Variants in TECTA observed in about 807,000 individuals in gnomAD.
The protein encoded by TECTA is alpha-tectorin.
A neutral mutation model predicts 216.8 loss-of-function variants in TECTA; 128 were observed. The observed-to-expected ratio is 0.59, with a 90% CI of 0.51 to 0.68. The LOEUF (loss-of-function observed/expected upper bound fraction) is 0.68. Among genes scored for constraint, TECTA ranks in the 30% least tolerant of loss-of-function variants. The pLI, the probability that TECTA is intolerant of heterozygous loss-of-function variation, is 0.00. For missense variants in TECTA, 2,551 were observed against 2,786.2 expected, an observed-to-expected ratio of 0.92 and a Z score of 1.90; for synonymous variants, 1,089 against 1,117.1, an observed-to-expected ratio of 0.97 and a Z score of 0.50.
In TECTA at chr11:121,190,831, T is replaced by A; in HGVS notation, c.*25T>A. On this transcript the variant is annotated 3_prime_UTR_variant, in exon 24 of 24. Transcript: ENST00000392793. ...ATTAACTCAAGGTTGCTATATAAAG[T>A]ACTGTAATTTACTTACTTCAACACC... 2 of 1,527,814 alleles carry A rather than the reference T, an allele frequency of 1.3e-6. No homozygotes were observed. The highest frequency in any genetic ancestry group is 1.7e-4 in the Middle Eastern group (1 of 5,900). 94.6% of individuals were successfully genotyped at this position (1,527,814 alleles called of 1,614,324 possible). A position where few individuals can be genotyped will look rare whatever the true frequency, so the allele number is the denominator to read the frequency against.
Position 121,137,579 on chromosome 11 carries a change from A to T in TECTA, c.3100A>T (p.Ser1034Cys), listed in dbSNP as rs180756361. 1.9e-6 allele frequency: 3 copies of T among 1,613,852 alleles called. No homozygotes were observed. In the Admixed American group the frequency reaches 5.0e-5, roughly 27 times the overall value. The change falls in exon 11 of 24, where the codon AGT becomes TGT. Residue 1034 changes from serine to cysteine, a missense_variant. This residue lies in a region of TECTA where 2,375 missense variants were observed against 2,563.9 expected (regional missense o/e 0.93). Coordinates refer to ENST00000392793, the MANE Select transcript of TECTA (RefSeq NM_005422.4). ...ALLGSQCVTR[S>C]ECGCNFEGHQ... ...ACTGGGCAGCCAGTGTGTCACGCGG[A>T]GTGAGTGTGGCTGCAACTTTGAGGG...
intron 13 of TECTA, among the ~76,000 whole-genome samples, chr11:121,153,856 A>G (rs919282512): frequency 6.6e-6 from 1 of 152,236 alleles, no homozygotes; most frequent in African/African-American, 2.4e-5. Context: ...TATTTAGTTC[A>G]TGGTTCGACC....
chr11:121,146,248 G>A (rs1412872342), intron 12 of TECTA, 132 bp downstream of exon 12: 5 of 1,088,760 alleles, frequency 4.6e-6, no homozygotes, highest in Non-Finnish European at 6.7e-6. Context: ...TTGGAACTGA[G>A]TTTGTTATCT....
chr11:121,107,628 G>T (rs193121888), intron 3 of TECTA, among the ~76,000 whole-genome samples: 1 of 152,264 alleles, frequency 6.6e-6, no homozygotes, highest in Admixed American at 6.5e-5. Flanking sequence ...TCCAAGAATT[G>T]CAGTTCCCAT....
In TECTA at chr11:121,125,394, T is replaced by C; in HGVS notation, c.1296T>C (p.Asp432=). ...QSGISTAVET[D]FGLLVTFDGQ... is the part of the protein sequence containing the mutation. ...GCATATCTACTGCCGTGGAAACAGA[T>C]TTTGGGCTCTTAGTGACTTTTGATG... is the stretch of plus-strand genomic sequence containing the variant. The change falls in exon 8 of 24, where the codon GAT becomes GAC. Residue 432 remains aspartate, a synonymous_variant. Transcript: ENST00000392793. 1 of 1,614,196 alleles carries C rather than the reference T, an allele frequency of 6.2e-7. No homozygotes were observed. Among genetic ancestry groups the C allele is most frequent in the South Asian group, 1.1e-5 (1 of 91,080 alleles).
At chr11:121,150,046 C>T (rs1946875005) in intron 12 of TECTA, among the ~76,000 whole-genome samples, 1 of 152,122 alleles carries the variant, frequency 6.6e-6, no homozygotes, top group Admixed American at 6.5e-5. Context: ...AATACCTCTT[C>T]CCAAATGTTA....
At chr11:121,187,727 T>G in intron 20 of TECTA, 105 bp from the exon 21 acceptor site, 1 of 1,306,210 alleles carries the variant, frequency 7.7e-7, no homozygotes, top group Non-Finnish European at 1.1e-6. Context: ...ATTTCTGCCA[T>G]TTATGGTGGT....
At position 121,105,216 on chromosome 11, in the gene TECTA, G is replaced by A. The variant is rs7129669; in HGVS notation, c.65-615G>A. 2.5e-3 allele frequency among the ~76,000 whole-genome samples: 382 copies of A among 152,270 alleles called. 3 individuals carry two copies. Among genetic ancestry groups the A allele is most frequent in the African/African-American group, 6.7e-3 (280 of 41,552 alleles). Reference sequence around the variant, plus strand: ...CTCAAGGACCCAACCCTCTGACCCCGGAGGATCTCATGTCTGTCTTTTGTA... The same window carrying A: ...CTCAAGGACCCAACCCTCTGACCCCAGAGGATCTCATGTCTGTCTTTTGTA... On this transcript the variant is annotated intron_variant, in intron 2 of 23. Transcript: ENST00000392793. The surrounding 1 kb of genome is among the most constrained non-coding windows in gnomAD (Gnocchi z 5.3).
Position 121,113,504 on chromosome 11 carries a change from C to G in TECTA, c.625-49C>G, listed in dbSNP as rs753054818. 4.3e-6 allele frequency: 7 copies of G among 1,612,186 alleles called. No homozygotes were observed. In the Admixed American group the frequency reaches 1.2e-4, roughly 27 times the overall value. On this transcript the variant is annotated intron_variant, in intron 5 of 23. Coordinates refer to ENST00000392793, the MANE Select transcript of TECTA (RefSeq NM_005422.4). This position sits in a 1 kb window ranked among gnomAD's most constrained non-coding sequence, Gnocchi z 4.2. ...AATAAGGTAGTTGGGCCAGTTAACC[C>G]ATGGGGAATTTTTGTACTCAAAAAT...
intron 7 of TECTA, among the ~76,000 whole-genome samples, chr11:121,119,564 C>T (rs970840352): frequency 3.3e-5 from 5 of 152,160 alleles, no homozygotes; most frequent in African/African-American, 9.7e-5. Context: ...TTGTTGCAAC[C>T]GTGTATTTAT....
chr11:121,172,385 G>C (rs1231093316), intron 20 of TECTA, among the ~76,000 whole-genome samples: 1 of 151,474 alleles, frequency 6.6e-6, no homozygotes. Context: ...TCCCCTTCCT[G>C]TGTCCATGTG....
chr11:121,177,910 C>T (rs1035046288), intron 20 of TECTA, among the ~76,000 whole-genome samples: 7 of 152,208 alleles, frequency 4.6e-5, no homozygotes, highest in African/African-American at 1.2e-4. Context: ...GCCTTGCTGC[C>T]GCCTTGCAGT....
Position 121,157,843 on chromosome 11 carries a change from C to A in TECTA, c.4308C>A (p.Pro1436=), listed in dbSNP as rs761079088. 2 of 1,613,962 alleles carry A rather than the reference C, an allele frequency of 1.2e-6. No individual in the cohort carries two copies. The highest frequency in any genetic ancestry group is 1.7e-6 in the Non-Finnish European group (2 of 1,180,040). The change falls in exon 14 of 24, where the codon CCC becomes CCA. Residue 1436 remains proline, a splice_region_variant and synonymous_variant. Transcript: ENST00000392793. ...GCYSDGKYYE[P]KQLFWNSDCT... ...TGCAAACGGCGCCTCTCTTCCAGCC[C>A]AAGCAGCTATTTTGGAACAGCGACT...
Position 121,180,996 on chromosome 11 carries a change from T to C in TECTA, c.6000-6836T>C, listed in dbSNP as rs965168738. The stretch of plus-strand genomic sequence containing the variant: ...TCCTGGCTAACACAGTGAAACCCTG[T>C]CTCTACTAAAAATACAAAAAATTAG... On this transcript the variant is annotated intron_variant, in intron 20 of 23. Coordinates refer to ENST00000392793, the MANE Select transcript of TECTA (RefSeq NM_005422.4). Among the ~76,000 whole-genome samples, 11 of 152,062 alleles carry C rather than the reference T, an allele frequency of 7.2e-5. No homozygotes were observed. In the East Asian group the frequency reaches 1.9e-3, roughly 27 times the overall value.
At chr11:121,167,831 C>T (rs556069862) in intron 18 of TECTA, among the ~76,000 whole-genome samples, 8 of 152,328 alleles carry the variant, frequency 5.3e-5, no homozygotes, top group East Asian at 3.9e-4. Context: ...TCACCTTCCA[C>T]GGGTATTCAA....
rs144297506 is a variant in TECTA, at chr11:121,111,461, C to T, written c.487-1611C>T. Reference sequence around the variant, plus strand: ...TTATCCAGAAGAGTCTTGGAATGAACGTTGAAGAATTCTGTAGTGTGAGAA... The same window carrying T: ...TTATCCAGAAGAGTCTTGGAATGAATGTTGAAGAATTCTGTAGTGTGAGAA... On this transcript the variant is annotated intron_variant, in intron 4 of 23. Transcript: ENST00000392793. 4.3e-3 allele frequency among the ~76,000 whole-genome samples: 654 copies of T among 152,248 alleles called. 8 individuals carry two copies. The highest frequency in any genetic ancestry group is 0.015 in the African/African-American group (631 of 41,532).
intron 12 of TECTA, among the ~76,000 whole-genome samples, chr11:121,152,188 A>C (rs989801732): frequency 6.6e-6 from 1 of 152,184 alleles, no homozygotes; most frequent in Non-Finnish European, 1.5e-5. Flanking sequence ...GGCAGAACAT[A>C]ATTGACGTGA....
intron 7 of TECTA, among the ~76,000 whole-genome samples, chr11:121,123,061 C>T (rs1397637629): frequency 9.8e-5 from 15 of 152,332 alleles, no homozygotes; most frequent in Middle Eastern, 6.8e-3. Flanking sequence ...ATCATCTCAT[C>T]GCCTAGACAA....
At chr11:121,162,970 TAATC>T (rs1947016402) in intron 16 of TECTA, among the ~76,000 whole-genome samples, 1 of 152,252 alleles carries the variant, frequency 6.6e-6, no homozygotes, top group Admixed American at 6.5e-5. Flanking sequence ...CTTACTGTGT[TAATC>T]AAATAGGAGA....
Sources: gnomAD v4.1 joint callset for allele counts (sites outside exome capture counted in the v4.1 genomes callset) on GRCh38, gnomAD v4.1.1 for gene constraint, gnomAD v4.1.1 regional missense constraint, Gnocchi (gnomAD v3.1) non-coding constraint, MANE v1.5 for transcripts, NCBI Gene and HGNC (gene_info 2026-07-23, HGNC 2026-07-21) for gene names.